Variants in KIFAP3 observed in about 807,000 individuals in gnomAD.
KIFAP3 encodes kinesin associated protein 3, also known as kinesin-associated protein 3.
KIFAP3 carries 68 observed loss-of-function variants against 106.5 expected under a neutral mutation model. The observed-to-expected ratio is 0.64, with a 90% confidence interval of 0.53 to 0.78. The LOEUF (loss-of-function observed/expected upper bound fraction) is 0.78, where lower values mean the gene tolerates loss of function less well. Ranked by LOEUF, KIFAP3 falls within the 30% of genes least tolerant of loss-of-function variation. The pLI, the probability that KIFAP3 is intolerant of heterozygous loss-of-function variation, is 0.00. For missense variants in KIFAP3, 780 were observed against 941.8 expected (o/e 0.83, Z 2.25); for synonymous variants, 320 against 311.5 (o/e 1.03, Z -0.29).
intron 17 of KIFAP3, 76 bp from the exon 18 acceptor site, chr1:169,961,311 T>G: frequency 8.5e-6 from 10 of 1,173,310 alleles, no homozygotes; most frequent in East Asian, 2.4e-5. Flanking sequence ...TTTTTATCTC[T>G]TGAGAATTTT....
At chr1:170,026,002 A>G (rs1466660789) in intron 8 of KIFAP3, among the ~76,000 whole-genome samples, 2 of 152,154 alleles carry the variant, frequency 1.3e-5, no homozygotes, top group East Asian at 1.9e-4. Flanking sequence ...CGTGAATCCA[A>G]TGAGTGGTGT....
chr1:169,953,217 G>T (rs549043663), intron 19 of KIFAP3, among the ~76,000 whole-genome samples: 2 of 151,776 alleles, frequency 1.3e-5, no homozygotes, highest in Non-Finnish European at 2.9e-5. Context: ...TATGCTGTGG[G>T]GAACTTTATT....
chr1:170,057,707 T>C (rs534678733), intron 1 of KIFAP3, among the ~76,000 whole-genome samples: 1 of 152,148 alleles, frequency 6.6e-6, no homozygotes, highest in East Asian at 1.9e-4. Context: ...TGATGTCAGA[T>C]ATTTAACTAC....
chr1:169,978,821 A>T (rs971989208), intron 15 of KIFAP3, among the ~76,000 whole-genome samples: 2 of 152,088 alleles, frequency 1.3e-5, no homozygotes, highest in Non-Finnish European at 1.5e-5. Flanking sequence ...TTAGAAACAG[A>T]GTTTCAGGTC....
upstream of KIFAP3, chr1:170,074,722 T>C (rs540691190): frequency 2.3e-5 from 31 of 1,376,402 alleles, 1 homozygote; most frequent in Non-Finnish European, 2.8e-5. Context: ...ACGCATGCGC[T>C]TGCTCTGCAC....
chr1:170,069,419 G>A (rs1321398860), intron 1 of KIFAP3, among the ~76,000 whole-genome samples: 1 of 152,014 alleles, frequency 6.6e-6, no homozygotes, highest in African/African-American at 2.4e-5. Flanking sequence ...AAAACCTTTA[G>A]ACCAATACCC....
At chr1:170,079,731 C>A (rs535659096), upstream of KIFAP3, among the ~76,000 whole-genome samples, 38 of 151,386 alleles carry the variant, frequency 2.5e-4, no homozygotes, top group Middle Eastern at 3.4e-3. Flanking sequence ...TTCTCAAGAT[C>A]ATTTTGGCTT....
intron 1 of KIFAP3, among the ~76,000 whole-genome samples, chr1:170,081,198 C>T (rs958786356): frequency 4.6e-5 from 7 of 151,828 alleles, no homozygotes; most frequent in South Asian, 2.1e-4. Flanking sequence ...TACAAGTCAA[C>T]AAAAAATCTA....
chr1:170,019,323 T>G lies in KIFAP3; in HGVS notation c.1021-2699A>C, dbSNP rs1668686634. Among the ~76,000 whole-genome samples, 6 of 152,088 alleles carry G rather than the reference T, an allele frequency of 3.9e-5. No individual in the cohort carries two copies. In the South Asian group the frequency reaches 8.3e-4, roughly 21 times the overall value. On this transcript the variant is annotated intron_variant, in intron 9 of 19. Coordinates refer to ENST00000361580, the MANE Select transcript of KIFAP3 (RefSeq NM_014970.4). Reference sequence around the variant, plus strand: ...TAAAGAAGAAGGGATGCTTCCCAGTTCATTATAGAGGACACAGTTACTCTA... The same window carrying G: ...TAAAGAAGAAGGGATGCTTCCCAGTGCATTATAGAGGACACAGTTACTCTA...
intron 1 of KIFAP3, among the ~76,000 whole-genome samples, chr1:170,070,740 C>T (rs1278631989): frequency 6.6e-6 from 1 of 152,122 alleles, no homozygotes; most frequent in Admixed American, 6.6e-5. Flanking sequence ...AGGGACAAAC[C>T]TTCATGACCT....
rs186637653 is a variant in KIFAP3, at chr1:170,026,804, G to A, written c.842-2208C>T. Among the ~76,000 whole-genome samples, 40 of 152,284 alleles carry A rather than the reference G, an allele frequency of 2.6e-4. No homozygotes were observed. The East Asian group carries it at 7.5e-3, about 29-fold the overall frequency. On this transcript the variant is annotated intron_variant, in intron 8 of 19. Coordinates refer to ENST00000361580, the MANE Select transcript of KIFAP3 (RefSeq NM_014970.4). ...CCCATAATTCATGCATTAGTGGGTAGAGCCCTGAGAAGGGTCTTACCTCCG... is the reference window on the plus strand; with the variant it reads ...CCCATAATTCATGCATTAGTGGGTAAAGCCCTGAGAAGGGTCTTACCTCCG...
At chr1:170,010,008 T>C (rs1159817310) in intron 10 of KIFAP3, among the ~76,000 whole-genome samples, 3 of 152,144 alleles carry the variant, frequency 2.0e-5, no homozygotes, top group African/African-American at 7.2e-5. Flanking sequence ...CCAATGGCTA[T>C]GATAGATCTC....
chr1:169,979,881 T>A (rs1011860651), intron 15 of KIFAP3, among the ~76,000 whole-genome samples: 12 of 152,106 alleles, frequency 7.9e-5, no homozygotes, highest in Non-Finnish European at 1.2e-4. Context: ...AACTCTACTA[T>A]CCATCAGTAG....
At chr1:169,977,925 G>T (rs1666313556) in intron 16 of KIFAP3, among the ~76,000 whole-genome samples, 160 bp downstream of exon 16, 1 of 151,122 alleles carries the variant, frequency 6.6e-6, no homozygotes, top group Non-Finnish European at 1.5e-5. Context: ...CTGATTTGGG[G>T]TCAACAGCTT....
intron 1 of KIFAP3, among the ~76,000 whole-genome samples, chr1:170,080,180 G>A (rs985891834): frequency 7.2e-5 from 11 of 152,038 alleles, no homozygotes; most frequent in Admixed American, 2.6e-4. Context: ...CCACCAGAGA[G>A]CAATAAATAT....
chr1:169,994,666 A>C (rs902943130), intron 10 of KIFAP3, among the ~76,000 whole-genome samples: 1 of 152,044 alleles, frequency 6.6e-6, no homozygotes, highest in Non-Finnish European at 1.5e-5. Flanking sequence ...TACAACATAT[A>C]CAGGAAATAC....
At chr1:169,926,880 C>T (rs1663169450) in intron 19 of KIFAP3, among the ~76,000 whole-genome samples, 1 of 152,032 alleles carries the variant, frequency 6.6e-6, no homozygotes, top group Non-Finnish European at 1.5e-5. Context: ...ATATTGAAGG[C>T]TGGAATTCTT....
At chr1:170,069,874 G>A (rs2102172999) in intron 1 of KIFAP3, among the ~76,000 whole-genome samples, 1 of 151,878 alleles carries the variant, frequency 6.6e-6, no homozygotes, top group East Asian at 1.9e-4. Context: ...AAAAGAAGAA[G>A]TAAAATTATT....
At chr1:169,923,276 A>G (rs1468547862) in intron 19 of KIFAP3, among the ~76,000 whole-genome samples, 2 of 152,130 alleles carry the variant, frequency 1.3e-5, no homozygotes, top group African/African-American at 4.8e-5. Context: ...TCTAACTTTG[A>G]TCTCATGGGA....
Sources: allele counts gnomAD v4.1 joint callset (sites outside exome capture counted in the v4.1 genomes callset), GRCh38; gene constraint gnomAD v4.1.1; transcripts MANE v1.5; gene names NCBI Gene and HGNC (gene_info 2026-07-23, HGNC 2026-07-21).